Variants in ATPAF1 observed in about 807,000 individuals in gnomAD.
ATPAF1 encodes homolog of yeast ATP11.
Under a neutral mutation model 43.9 loss-of-function variants are expected in ATPAF1, and 26 were observed. The ratio of observed to expected loss-of-function variants is 0.59; its 90% CI spans 0.43 to 0.82. The LOEUF (loss-of-function observed/expected upper bound fraction) is 0.82. ATPAF1 is among the 40% of genes least tolerant of loss of function. The pLI, the probability that ATPAF1 is intolerant of heterozygous loss-of-function variation, is 0.00. For synonymous variants in ATPAF1, 157 were observed against 168.0 expected (o/e 0.93, Z 0.50); for missense variants, 366 against 435.0 (o/e 0.84, Z 1.41).
intron 6 of ATPAF1, among the ~76,000 whole-genome samples, chr1:46,652,262 G>A (rs911078797): frequency 1.3e-5 from 2 of 150,010 alleles, no homozygotes; most frequent in African/African-American, 4.9e-5. Context: ...CTTCCAAAAC[G>A]CACTTGTACC....
At chr1:46,655,880 C>T (rs947577911) in intron 4 of ATPAF1, among the ~76,000 whole-genome samples, 1 of 152,138 alleles carries the variant, frequency 6.6e-6, no homozygotes, top group Admixed American at 6.5e-5. Context: ...TATTTTATAT[C>T]TCTCTTAAGA....
At chr1:46,659,592 A>C (rs943632954) in intron 2 of ATPAF1, among the ~76,000 whole-genome samples, 1 of 152,172 alleles carries the variant, frequency 6.6e-6, no homozygotes, top group Non-Finnish European at 1.5e-5. Context: ...CCAACAACTG[A>C]AAGTGATTAT....
At chr1:46,636,823 T>C (rs546737310) in intron 8 of ATPAF1, among the ~76,000 whole-genome samples, 3 of 152,334 alleles carry the variant, frequency 2.0e-5, no homozygotes, top group Admixed American at 6.5e-5. Context: ...TCTTGCTAAT[T>C]TTCTTGCTCT....
chr1:46,646,516 G>A (rs1187698387), intron 6 of ATPAF1, among the ~76,000 whole-genome samples: 1 of 152,188 alleles, frequency 6.6e-6, no homozygotes, highest in African/African-American at 2.4e-5. Context: ...ATGAGTAGTA[G>A]AGAAAAGAAT....
intron 2 of ATPAF1, among the ~76,000 whole-genome samples, chr1:46,664,197 C>T (rs1196654013): frequency 6.6e-6 from 1 of 152,122 alleles, no homozygotes; most frequent in Non-Finnish European, 1.5e-5. Flanking sequence ...TTTCAACATG[C>T]TTTTCCTCAG....
In ATPAF1 at chr1:46,653,816, C is replaced by G; in HGVS notation, c.540+1G>C. The G allele has an allele frequency of 1.2e-6, 2 of 1,608,626 alleles. No homozygotes were observed. The highest frequency in any genetic ancestry group is 1.7e-6 in the Non-Finnish European group (2 of 1,177,586). On this transcript the variant is annotated splice_donor_variant, in intron 5 of 8. Transcript: ENST00000574428. LOFTEE classifies it high-confidence loss of function. This position sits in a 1 kb window ranked among gnomAD's most constrained non-coding sequence, Gnocchi z 4.8. ...TTCACTTTGCCCTCCAAACTACTTA[C>G]AGGAATAACTGCGTAGACTGTATCT... is the stretch of plus-strand genomic sequence containing the variant.
intron 5 of ATPAF1, 80 bp from the exon 6 acceptor site, chr1:46,652,708 T>G: frequency 8.4e-7 from 1 of 1,192,444 alleles, no homozygotes. Context: ...TCACCAAGAC[T>G]GAATTCTAGA....
chr1:46,649,408 A>T (rs1366265003), intron 6 of ATPAF1, among the ~76,000 whole-genome samples: 2 of 152,318 alleles, frequency 1.3e-5, no homozygotes, highest in African/African-American at 4.8e-5. Context: ...CTTTGTGCCA[A>T]TACCATACTG....
chr1:46,652,777 C>A, intron 5 of ATPAF1, 149 bp from the exon 6 acceptor site: 1 of 725,106 alleles, frequency 1.4e-6, no homozygotes, highest in Non-Finnish European at 2.3e-6. Flanking sequence ...ACTCTTATGA[C>A]AGAAAGACAG....
rs1224269372 is a variant in ATPAF1, at chr1:46,653,051, TACC to T, written c.541-426_541-424del. Among the ~76,000 whole-genome samples the T allele has an allele frequency of 2.6e-5, 4 of 152,106 alleles. No individual in the cohort carries two copies. Among genetic ancestry groups the T allele is most frequent in the African/African-American group, 9.7e-5 (4 of 41,436 alleles). ...GAGAGATTAAAAAAAAAGATAGCGA[TACC>T]ATCATAACCACCAAAAGGCCTGGCT... On this transcript the variant is annotated intron_variant, in intron 5 of 8. Coordinates refer to ENST00000574428, the Ensembl canonical transcript of ATPAF1. The surrounding 1 kb of genome is among the most constrained non-coding windows in gnomAD (Gnocchi z 4.8).
chr1:46,662,080 G>C (rs999336308), intron 2 of ATPAF1, among the ~76,000 whole-genome samples: 9 of 151,964 alleles, frequency 5.9e-5, no homozygotes, highest in Non-Finnish European at 1.3e-4. Context: ...ATTTTTAGTA[G>C]AGAAGGGGTT....
At chr1:46,663,126 G>A (rs1676424666) in intron 2 of ATPAF1, among the ~76,000 whole-genome samples, 1 of 152,122 alleles carries the variant, frequency 6.6e-6, no homozygotes, top group Admixed American at 6.5e-5. Flanking sequence ...CATTTTTTAT[G>A]GCTGCATAGT....
intron 8 of ATPAF1, among the ~76,000 whole-genome samples, chr1:46,638,102 G>A (rs1675874705): frequency 6.6e-6 from 1 of 152,192 alleles, no homozygotes; most frequent in Non-Finnish European, 1.5e-5. Flanking sequence ...CTCAGCCCCT[G>A]GCTACAGGGC....
chr1:46,642,727 G>A (rs1675971707), intron 8 of ATPAF1, among the ~76,000 whole-genome samples: 1 of 152,168 alleles, frequency 6.6e-6, no homozygotes, highest in Non-Finnish European at 1.5e-5. Context: ...CTTAGGGCCT[G>A]ATGTGTCTTA....
At position 46,644,466 on chromosome 1, in the gene ATPAF1, G is replaced by A. The variant is rs186206431; in HGVS notation, c.684+695C>T. On this transcript the variant is annotated intron_variant, in intron 7 of 8. Coordinates refer to ENST00000574428, the Ensembl canonical transcript of ATPAF1. ...TTATTAAAGTATGTACTCAATAAAG[G>A]GTTGTTAGACATATTACAAAATAGC... Among the ~76,000 whole-genome samples, 205 of 152,168 alleles carry A rather than the reference G, an allele frequency of 1.3e-3. 1 individual carries two copies. Among genetic ancestry groups the A allele is most frequent in the African/African-American group, 4.7e-3 (196 of 41,510 alleles).
chr1:46,633,847 A>G (rs1267367840), downstream of ATPAF1: 1 of 456,242 alleles, frequency 2.2e-6, no homozygotes, highest in South Asian at 1.5e-5. Flanking sequence ...ACAAGCAAAC[A>G]TAACTGGATA....
chr1:46,651,031 G>A (rs1223103296), intron 6 of ATPAF1, among the ~76,000 whole-genome samples: 3 of 151,278 alleles, frequency 2.0e-5, no homozygotes, highest in African/African-American at 7.3e-5. Flanking sequence ...TAAGTTTTAG[G>A]GTACATGTGC....
At chr1:46,664,537 C>T (rs541478424) in intron 2 of ATPAF1, 33 of 152,388 alleles carry the variant, frequency 2.2e-4, no homozygotes, top group African/African-American at 7.9e-4. Context: ...TTAACACTTC[C>T]CTCTCCATTT....
chr1:46,665,341 G>C (rs758883524), exon 2 of ATPAF1: 5 of 1,614,090 alleles, frequency 3.1e-6, no homozygotes, highest in African/African-American at 2.7e-5. Context: ...CTCCAGGCGG[G>C]ACTCAAAAGC....
Sources: allele counts gnomAD v4.1 joint callset (sites outside exome capture counted in the v4.1 genomes callset), GRCh38; gene constraint gnomAD v4.1.1; non-coding constraint Gnocchi (gnomAD v3.1); transcripts MANE v1.5; gene names NCBI Gene and HGNC (gene_info 2026-07-23, HGNC 2026-07-21).